The following XNDC1N variants were observed in gnomAD, a reference collection of about 807,000 sequenced individuals.
XNDC1N encodes the protein protein XNDC1N.
chr11:71,919,952 T>C, the XNDC1N span, among the ~76,000 whole-genome samples: 1 of 94,278 alleles, frequency 1.1e-5, no homozygotes, highest in Non-Finnish European at 2.0e-5. Context: ...TTTTTTTTTT[T>C]TTTTTTTTTT....
chr11:71,907,894 T>G, the XNDC1N span, among the ~76,000 whole-genome samples: 2 of 152,164 alleles, frequency 1.3e-5, no homozygotes, highest in Admixed American at 6.5e-5. Context: ...TCCTGTGATG[T>G]TGGGAGTAAT....
chr11:71,876,201 G>A, the XNDC1N span, among the ~76,000 whole-genome samples: 1 of 152,140 alleles, frequency 6.6e-6, no homozygotes, highest in Non-Finnish European at 1.5e-5. Flanking sequence ...GGAGAGTTAT[G>A]TGCAATAAAA....
chr11:71,883,792 T>C, the XNDC1N span, among the ~76,000 whole-genome samples: 3 of 152,330 alleles, frequency 2.0e-5, no homozygotes, highest in East Asian at 5.8e-4. Context: ...CATATCTCAG[T>C]AACTTCCTCA....
the XNDC1N span, chr11:71,916,003 C>T: frequency 1.0e-5 from 7 of 670,104 alleles, no homozygotes; most frequent in Admixed American, 1.5e-4. Context: ...CTCAAACAAG[C>T]ATCAGTTTCT....
At chr11:71,908,941 T>C in the XNDC1N span, among the ~76,000 whole-genome samples, 3 of 152,124 alleles carry the variant, frequency 2.0e-5, no homozygotes, top group African/African-American at 7.2e-5. Flanking sequence ...AGAGAAGCTC[T>C]CCTGGAAGGA....
the XNDC1N span, among the ~76,000 whole-genome samples, chr11:71,905,652 G>A: frequency 1.3e-5 from 2 of 151,872 alleles, no homozygotes; most frequent in African/African-American, 2.4e-5. Context: ...TACACACATG[G>A]TGTACACCCA....
the XNDC1N span, among the ~76,000 whole-genome samples, chr11:71,889,448 G>T: frequency 1.1e-4 from 16 of 152,290 alleles, no homozygotes; most frequent in Non-Finnish European, 1.8e-4. Flanking sequence ...CACCTGATCT[G>T]GGACCTACTT....
At chr11:71,898,789 C>A in the XNDC1N span, among the ~76,000 whole-genome samples, 1 of 152,030 alleles carries the variant, frequency 6.6e-6, no homozygotes, top group African/African-American at 2.4e-5. Flanking sequence ...GAGACGATGA[C>A]GGTGATGGTT....
chr11:71,876,579 G>T, the XNDC1N span, among the ~76,000 whole-genome samples: 4 of 152,026 alleles, frequency 2.6e-5, no homozygotes, highest in Non-Finnish European at 5.9e-5. Context: ...ACATAATTGC[G>T]ATTTTTGCCA....
chr11:71,885,592 A>G, the XNDC1N span, among the ~76,000 whole-genome samples: 5 of 152,254 alleles, frequency 3.3e-5, no homozygotes, highest in Admixed American at 6.5e-5. Context: ...TGCGATATTG[A>G]ACGTAATATC....
At chr11:71,866,622 G>T in the XNDC1N span, among the ~76,000 whole-genome samples, 7 of 152,232 alleles carry the variant, frequency 4.6e-5, no homozygotes, top group African/African-American at 1.7e-4. Context: ...AAATTAGCCA[G>T]GCATGGTGGT....
the XNDC1N span, chr11:71,915,989 A>G: frequency 3.8e-5 from 25 of 657,030 alleles, 1 homozygote; most frequent in South Asian, 4.0e-4. Flanking sequence ...GTGTGTGTCT[A>G]TGTCTCAAAC....
chr11:71,903,128 GT>G, the XNDC1N span: 1 of 652,348 alleles, frequency 1.5e-6, no homozygotes, highest in African/African-American at 1.8e-5. Context: ...CTGGGTATTG[GT>G]TTACTTGTTT....
chr11:71,875,453 T>A, the XNDC1N span, among the ~76,000 whole-genome samples: 1 of 152,154 alleles, frequency 6.6e-6, no homozygotes, highest in Non-Finnish European at 1.5e-5. Context: ...GGCATATATG[T>A]GTTTGTCTAC....
At chr11:71,874,818 C>T in the XNDC1N span, among the ~76,000 whole-genome samples, 131 of 152,210 alleles carry the variant, frequency 8.6e-4, 1 homozygote, top group African/African-American at 3.1e-3. Context: ...TTATGTCTAT[C>T]ATTTATTTTT....
chr11:71,874,286 C>T, the XNDC1N span, among the ~76,000 whole-genome samples: 3 of 152,154 alleles, frequency 2.0e-5, no homozygotes, highest in South Asian at 6.2e-4. Context: ...CACCATTGCA[C>T]TCCAGCCTAG....
At chr11:71,872,489 C>T in the XNDC1N span, among the ~76,000 whole-genome samples, 3 of 151,956 alleles carry the variant, frequency 2.0e-5, no homozygotes, top group Non-Finnish European at 2.9e-5. Flanking sequence ...TTTGGGAGGC[C>T]GAGGCGGGTG....
the XNDC1N span, among the ~76,000 whole-genome samples, chr11:71,910,530 C>T: frequency 2.6e-5 from 4 of 152,288 alleles, no homozygotes; most frequent in African/African-American, 9.6e-5. Context: ...CTGCGTGTTG[C>T]TCCAGTAGGT....
the XNDC1N span, among the ~76,000 whole-genome samples, chr11:71,888,638 G>A: frequency 6.6e-6 from 1 of 152,230 alleles, no homozygotes; most frequent in East Asian, 1.9e-4. Flanking sequence ...GGTTTCTAAA[G>A]GATGGCCCCC....
Sources: allele counts gnomAD v4.1 joint callset (sites outside exome capture counted in the v4.1 genomes callset), GRCh38; gene constraint gnomAD v4.1.1; transcripts MANE v1.5; gene names NCBI Gene and HGNC (gene_info 2026-07-23, HGNC 2026-07-21).